Variants in PPP2R1B observed in about 807,000 individuals in gnomAD.
The protein encoded by PPP2R1B is protein phosphatase 2 scaffold subunit Abeta, also known as serine/threonine-protein phosphatase 2A 65 kDa regulatory subunit A beta isoform.
A neutral mutation model predicts 72.7 loss-of-function variants in PPP2R1B; 58 were observed. That is an observed-to-expected ratio of 0.80 (90% CI 0.65 to 0.99). The LOEUF is 0.99. Ranked by LOEUF, PPP2R1B falls within the 50% of genes least tolerant of loss-of-function variation. The pLI, the probability that PPP2R1B is intolerant of heterozygous loss-of-function variation, is 0.00. For missense variants in PPP2R1B, 695 were observed against 733.6 expected (o/e 0.95, Z 0.61); for synonymous variants, 256 against 264.6 (o/e 0.97, Z 0.32).
chr11:111,721,393 C>A, the PPP2R1B span, among the ~76,000 whole-genome samples: 1,469 of 152,272 alleles, frequency 9.6e-3, 22 homozygotes, highest in African/African-American at 0.033. Context: ...GAAAAATACA[C>A]AAATGAACTA....
chr11:111,698,532 A>C, the PPP2R1B span, among the ~76,000 whole-genome samples: 1 of 152,206 alleles, frequency 6.6e-6, no homozygotes, highest in Non-Finnish European at 1.5e-5. Flanking sequence ...GCGTCAGCCC[A>C]GGAGTTGGAG....
chr11:111,694,433 G>A, the PPP2R1B span, among the ~76,000 whole-genome samples: 2 of 152,122 alleles, frequency 1.3e-5, no homozygotes, highest in Admixed American at 1.3e-4. Context: ...AGCCCAAGAG[G>A]AATGCTTCCT....
Position 111,766,244 on chromosome 11 carries a change from G to A in PPP2R1B, c.114+4C>T. ...GCCTCGGGTCCCCGGCCTCAGTCCA[G>A]TACCTGCACGTCTTCATTGCGGAGC... On this transcript the variant is annotated splice_donor_region_variant and intron_variant, in intron 1 of 14. Transcript: ENST00000527614. 5 of 1,613,742 alleles carry A rather than the reference G, an allele frequency of 3.1e-6. No individual in the cohort carries two copies. The South Asian group carries it at 5.5e-5, about 18-fold the overall frequency.
At chr11:111,742,460 T>C (rs992011991) in intron 13 of PPP2R1B, 63 bp downstream of exon 13, 2 of 1,522,254 alleles carry the variant, frequency 1.3e-6, no homozygotes, top group African/African-American at 1.4e-5. Flanking sequence ...AGCTAATTAC[T>C]CCCCACTATA....
intron 15 of PPP2R1B, chr11:111,728,284 T>TTTA (rs2135994378): frequency 1.3e-5 from 1 of 78,364 alleles, no homozygotes; most frequent in African/African-American, 4.5e-5. Context: ...GCTTCTGGAA[T>TTTA]TTATTTAATT....
the PPP2R1B span, among the ~76,000 whole-genome samples, chr11:111,707,368 A>G: frequency 1.3e-5 from 2 of 152,242 alleles, no homozygotes; most frequent in Non-Finnish European, 2.9e-5. Context: ...ATCTCAAATT[A>G]TATTTAATTT....
chr11:111,700,739 G>A, the PPP2R1B span: 49 of 918,320 alleles, frequency 5.3e-5, no homozygotes, highest in Non-Finnish European at 4.5e-5. Context: ...TAATGCCAGG[G>A]AAACATCACA....
At chr11:111,723,663 A>T (rs1010619779), downstream of PPP2R1B, 1 of 1,614,120 alleles carries the variant, frequency 6.2e-7, no homozygotes, top group African/African-American at 1.3e-5. Context: ...AGCCTGACCC[A>T]GCCCCTGAGC....
intron 12 of PPP2R1B, 130 bp downstream of exon 12, chr11:111,743,246 T>A (rs1944588471): frequency 1.1e-5 from 11 of 968,194 alleles, no homozygotes; most frequent in African/African-American, 1.7e-5. Context: ...TCTCATCTCC[T>A]GTCTATTCCA....
chr11:111,695,087 G>A, the PPP2R1B span, among the ~76,000 whole-genome samples: 1 of 152,158 alleles, frequency 6.6e-6, no homozygotes, highest in Non-Finnish European at 1.5e-5. Flanking sequence ...TGTGCAATGG[G>A]TCAGCTTCAT....
the PPP2R1B span, among the ~76,000 whole-genome samples, chr11:111,706,292 G>A: frequency 1.3e-5 from 2 of 152,200 alleles, no homozygotes; most frequent in African/African-American, 2.4e-5. Context: ...ATGACTTAGA[G>A]ATGACTCTGT....
chr11:111,705,163 C>A, the PPP2R1B span: 2 of 1,536,290 alleles, frequency 1.3e-6, no homozygotes, highest in South Asian at 2.7e-5. This position sits in a 1 kb window ranked among gnomAD's most constrained non-coding sequence, Gnocchi z 4.3. Flanking sequence ...AGCTGAGAGT[C>A]TTATCTGTGC....
At chr11:111,752,353 A>G (rs372418259) in intron 9 of PPP2R1B, 21 bp from the exon 10 acceptor site, 17 of 1,582,112 alleles carry the variant, frequency 1.1e-5, no homozygotes, top group Non-Finnish European at 1.4e-5. Context: ...ACAAGCCCCA[A>G]AAGACCACAT....
the PPP2R1B span, among the ~76,000 whole-genome samples, chr11:111,708,915 A>G: frequency 1.3e-5 from 2 of 152,112 alleles, no homozygotes; most frequent in African/African-American, 4.8e-5. Flanking sequence ...TGGCCTAACC[A>G]CTTGTTTTTA....
the PPP2R1B span, among the ~76,000 whole-genome samples, chr11:111,704,780 G>C: frequency 6.6e-6 from 1 of 152,090 alleles, no homozygotes; most frequent in Non-Finnish European, 1.5e-5. Context: ...CCATTTAAAG[G>C]GATCATCCTT....
At chr11:111,699,900 G>A in the PPP2R1B span, among the ~76,000 whole-genome samples, 1 of 152,196 alleles carries the variant, frequency 6.6e-6, no homozygotes, top group Admixed American at 6.5e-5. Flanking sequence ...TCTTTCTTGA[G>A]CCATCTCTTA....
rs1944000752 is a variant in PPP2R1B at position 111,727,194 on chromosome 11, G to A, written c.1912-137C>T. 8 of 715,976 alleles carry A rather than the reference G, an allele frequency of 1.1e-5. No homozygotes were observed. The East Asian group carries it at 1.6e-4, about 14-fold the overall frequency. 44.4% of individuals were successfully genotyped at this position (715,976 alleles called of 1,614,324 possible). A position where few individuals can be genotyped will look rare whatever the true frequency, so the allele number is the denominator to read the frequency against. Reference sequence around the variant, plus strand: ...TCTGTCACCGTGGGAAAAGGAGGCTGATGGTTCTCTACACCATCCACCTTG... The same window carrying A: ...TCTGTCACCGTGGGAAAAGGAGGCTAATGGTTCTCTACACCATCCACCTTG... On this transcript the variant is annotated intron_variant, in intron 15 of 15. Transcript: ENST00000311129.
At chr11:111,701,130 C>A in the PPP2R1B span, 2 of 1,306,022 alleles carry the variant, frequency 1.5e-6, no homozygotes, top group Non-Finnish European at 2.1e-6. The surrounding 1 kb of genome is among the most constrained non-coding windows in gnomAD (Gnocchi z 4.2). Context: ...TTTCCCCATC[C>A]ACTGGACTAT....
chr11:111,701,046 T>TA, the PPP2R1B span: 1 of 1,597,666 alleles, frequency 6.3e-7, no homozygotes, highest in Non-Finnish European at 8.6e-7. This position sits in a 1 kb window ranked among gnomAD's most constrained non-coding sequence, Gnocchi z 4.2. Context: ...TAAATGCATC[T>TA]ATACTGATAA....
Sources: allele counts gnomAD v4.1 joint callset (sites outside exome capture counted in the v4.1 genomes callset), GRCh38; gene constraint gnomAD v4.1.1; non-coding constraint Gnocchi (gnomAD v3.1); transcripts MANE v1.5; gene names NCBI Gene and HGNC (gene_info 2026-07-23, HGNC 2026-07-21).